TMEM259: variants seen among roughly 807,000 people sequenced by gnomAD.
TMEM259 encodes transmembrane protein 259.
A neutral mutation model predicts 46.7 loss-of-function variants in TMEM259; 26 were observed. The observed-to-expected ratio is 0.56, with a 90% CI of 0.41 to 0.77. The LOEUF (loss-of-function observed/expected upper bound fraction) is 0.77, where lower values mean the gene tolerates loss of function less well. TMEM259 is among the 30% of genes least tolerant of loss of function. The pLI is 0.00. For synonymous variants in TMEM259, 494 were observed against 395.1 expected (o/e 1.25, Z -2.97); for missense variants, 930 against 900.5 (o/e 1.03, Z -0.42).
intron 1 of TMEM259, chr19:1,017,465 C>CCCCAT (rs1340167616): frequency 2.5e-6 from 1 of 399,386 alleles, no homozygotes; most frequent in Non-Finnish European, 4.4e-6. Flanking sequence ...GGACACCCCA[C>CCCCAT]CCCATCCCAC....
chr19:1,015,076 T>C (rs564646711), intron 1 of TMEM259, among the ~76,000 whole-genome samples: 2 of 152,294 alleles, frequency 1.3e-5, no homozygotes, highest in African/African-American at 4.8e-5. Flanking sequence ...TCCCCTGATC[T>C]CACCACCTGA....
chr19:1,013,201 G>A (rs1599478728), intron 3 of TMEM259, 40 bp downstream of exon 3: 1 of 1,579,394 alleles, frequency 6.3e-7, no homozygotes, highest in Non-Finnish European at 8.7e-7. Context: ...CATGACTGAG[G>A]CAACCCCGTG....
rs2038886692 is a variant in TMEM259 at position 1,010,865 on chromosome 19, C to T, written c.1348G>A (p.Glu450Lys). 1 of 1,567,782 alleles carries T rather than the reference C, an allele frequency of 6.4e-7. No individual in the cohort carries two copies. Among genetic ancestry groups the T allele is most frequent in the Non-Finnish European group, 8.6e-7 (1 of 1,159,784 alleles). Residue 450 changes from glutamate (E) to lysine (K), a missense_variant, in exon 11 of 11, where the codon GAG (glutamate) becomes AAG (lysine). Transcript: ENST00000356663. ...ACCTGCTGCAGGATGGCAGGCAGCT[C>T]GTAGTGGTGGAAGAAGTAGATCATG... ...HSMIYFFHHY[E>K]LPAILQQVRI...
At position 1,009,682 on chromosome 19, in the gene TMEM259, C is replaced by G. The variant is rs538503675; in HGVS notation, c.*668G>C. On this transcript the variant is annotated 3_prime_UTR_variant, in exon 11 of 11. Transcript: ENST00000356663. The stretch of plus-strand genomic sequence containing the variant: ...GTCAACAGACAGTTTATTCTATATA[C>G]AAACACAATTTTGTACACTGCAATT... 214 of 1,159,800 alleles carry G rather than the reference C, an allele frequency of 1.8e-4. No homozygotes were observed. The highest frequency in any genetic ancestry group is 2.2e-4 in the Non-Finnish European group (192 of 886,636). The allele number at this position is 1,159,800 out of a possible 1,614,324, so 71.8% of individuals were successfully genotyped here.
intron 1 of TMEM259, among the ~76,000 whole-genome samples, chr19:1,015,633 C>T (rs530285422): frequency 2.0e-5 from 3 of 151,666 alleles, no homozygotes; most frequent in Non-Finnish European, 4.4e-5. Flanking sequence ...GCCAAGGGGG[C>T]GCCCACGGCC....
At chr19:1,013,133 G>A (rs879101353) in intron 3 of TMEM259, 108 bp downstream of exon 3, 2 of 1,005,694 alleles carry the variant, frequency 2.0e-6, no homozygotes, top group Non-Finnish European at 3.1e-6. Flanking sequence ...AACGGTCCAG[G>A]ACATGCAGCC....
In TMEM259 at chr19:1,020,764, G is replaced by A; in HGVS notation, c.225+8C>T. 1 of 1,319,106 alleles carries A rather than the reference G, an allele frequency of 7.6e-7. No individual in the cohort carries two copies. The highest frequency in any genetic ancestry group is 9.7e-7 in the Non-Finnish European group (1 of 1,027,348). The allele number at this position is 1,319,106 out of a possible 1,614,324, so 81.7% of individuals were successfully genotyped here. A position where few individuals can be genotyped will look rare whatever the true frequency, so the allele number is the denominator to read the frequency against. On this transcript the variant is annotated splice_region_variant and intron_variant, in intron 1 of 10. Transcript: ENST00000356663. This position sits in a 1 kb window ranked among gnomAD's most constrained non-coding sequence, Gnocchi z 4.0. Reference sequence around the variant, plus strand: ...GGGTCAAGGGTCGGGGGTCGGGGCCGCGGTCACCTTGAGCAGCACGAAGAA... The same window carrying A: ...GGGTCAAGGGTCGGGGGTCGGGGCCACGGTCACCTTGAGCAGCACGAAGAA...
chr19:1,012,498 TGGCGGGTGGCCTGCGACA>T lies in TMEM259; in HGVS notation c.665_682del (p.Leu222_Arg227del). On this transcript the variant is annotated inframe_deletion, in exon 4 of 11. Transcript: ENST00000356663. ...CACCATGACGGGGATGCTCAGGCGC[TGGCGGGTGGCCTGCGACA>T]GGCGAAGGAAGCCATACTCTAGTGA... The T allele has an allele frequency of 6.2e-7, 1 of 1,603,946 alleles. No homozygotes were observed. Among genetic ancestry groups the T allele is most frequent in the East Asian group, 2.2e-5 (1 of 44,452 alleles).
Position 1,009,735 on chromosome 19 carries a change from C to T in TMEM259, c.*615G>A, listed in dbSNP as rs2038832417. 2 of 820,388 alleles carry T rather than the reference C, an allele frequency of 2.4e-6. No homozygotes were observed. The highest frequency in any genetic ancestry group is 1.8e-5 in the African/African-American group (1 of 55,444). 50.8% of individuals were successfully genotyped at this position (820,388 alleles called of 1,614,324 possible). On this transcript the variant is annotated 3_prime_UTR_variant, in exon 11 of 11. Transcript: ENST00000356663. ...ATAGAATGGAATGAGCGCTCCTCCGCATTCCTCCCCGAGTGACTGGTTTGG... is the reference window on the plus strand; with the variant it reads ...ATAGAATGGAATGAGCGCTCCTCCGTATTCCTCCCCGAGTGACTGGTTTGG...
chr19:1,010,697 A>T lies in TMEM259; in HGVS notation c.1516T>A (p.Ser506Thr). The change falls in exon 11 of 11, where the codon TCG becomes ACG. Residue 506 changes from serine to threonine, a missense_variant. By Grantham distance (58) the Ser-to-Thr change is moderately conservative. Transcript: ENST00000356663. The part of the protein sequence containing the change: ...AGQPPALGPV[S>T]PGASGSPGPV... The stretch of plus-strand genomic sequence containing the variant: ...CCGGGACTCCCGCTGGCCCCAGGCG[A>T]GACGGGGCCCAGGGCGGGGGGCTGG... The T allele has an allele frequency of 1.3e-6, 2 of 1,530,132 alleles. No homozygotes were observed. The highest frequency in any genetic ancestry group is 1.7e-6 in the Non-Finnish European group (2 of 1,144,474). The allele number at this position is 1,530,132 out of a possible 1,614,324, so 94.8% of individuals were successfully genotyped here. A position where few individuals can be genotyped will look rare whatever the true frequency, so the allele number is the denominator to read the frequency against.
At position 1,012,084 on chromosome 19, in the gene TMEM259, C is replaced by T. The variant is rs1232913082; in HGVS notation, c.823G>A (p.Glu275Lys). Residue 275 changes from glutamate to lysine, a missense_variant, in exon 5 of 11, where the codon GAG becomes AAG. Coordinates refer to ENST00000356663, the MANE Select transcript of TMEM259 (RefSeq NM_001033026.2). ...GCCTCACCCTTGTTCTCCTCGTTCTCGGCCAGGCCCTTCACGCTGGACATG... is the reference window on the plus strand; with the variant it reads ...GCCTCACCCTTGTTCTCCTCGTTCTTGGCCAGGCCCTTCACGCTGGACATG... The part of the protein sequence containing the change: ...ILMSSVKGLA[E>K]NEENKGFLRN... 4 of 1,612,128 alleles carry T rather than the reference C, an allele frequency of 2.5e-6. No individual in the cohort carries two copies. The highest frequency in any genetic ancestry group is 1.1e-5 in the South Asian group (1 of 90,972).
chr19:1,014,470 G>A lies in TMEM259; in HGVS notation c.229C>T (p.Leu77=). 6.2e-7 allele frequency: 1 copy of A among 1,604,296 alleles called. No homozygotes were observed. Among genetic ancestry groups the A allele is most frequent in the Non-Finnish European group, 8.5e-7 (1 of 1,174,444 alleles). Residue 77 remains leucine (L), a synonymous_variant, in exon 2 of 11, where the codon CTG becomes TTG. Coordinates refer to ENST00000356663, the MANE Select transcript of TMEM259 (RefSeq NM_001033026.2). ...TAGGCCAGGACGAAGAGCACAAACAGGGCCTAGGGGGCGGCCGGCAGTCAG... is the reference window on the plus strand; with the variant it reads ...TAGGCCAGGACGAAGAGCACAAACAAGGCCTAGGGGGCGGCCGGCAGTCAG... ...LFEFFVLLKA[L]FVLFVLAYIH... is the part of the protein sequence containing the mutation.
chr19:1,016,818 T>A (rs773942971), intron 1 of TMEM259, among the ~76,000 whole-genome samples: 12 of 152,068 alleles, frequency 7.9e-5, no homozygotes, highest in Non-Finnish European at 1.2e-4. Flanking sequence ...AGGACACACA[T>A]CCTGCCACAC....
At position 1,010,477 on chromosome 19, in the gene TMEM259, G is replaced by C. The variant is rs765611899; in HGVS notation, c.1736C>G (p.Ala579Gly). ...ACTCGGGGGGACACTGTCCTGGGGG[G>C]CGTGGGGGAGGCCCCCAGCAGGGCC... The part of the protein sequence containing the change: ...PLGPAGGLPH[A>G]PQDSVPPSDS... The change falls in exon 11 of 11, where the codon GCC (alanine) becomes GGC (glycine). Residue 579 changes from alanine to glycine, a missense_variant. By Grantham distance (60) the Ala-to-Gly change is moderately conservative. Transcript: ENST00000356663. 1.9e-6 allele frequency: 3 copies of C among 1,545,754 alleles called. No homozygotes were observed. The highest frequency in any genetic ancestry group is 2.6e-6 in the Non-Finnish European group (3 of 1,145,554).
In TMEM259 at chr19:1,012,213, C is replaced by T. The variant is rs200423335; in HGVS notation, c.719-25G>A. On this transcript the variant is annotated intron_variant, in intron 4 of 10. Transcript: ENST00000356663. ...TCTGCGGGTGGGTGAATCAGGGAGC[C>T]GGGAGCCCCGCCCAGGCCACCCCCT... is the stretch of plus-strand genomic sequence containing the variant. The T allele has an allele frequency of 4.9e-5, 77 of 1,582,350 alleles. 1 individual carries two copies. In the African/African-American group the frequency reaches 9.0e-4, roughly 19 times the overall value.
In TMEM259 at chr19:1,011,620, G is replaced by T. The variant is rs1435262021; in HGVS notation, c.1044C>A (p.Phe348Leu). 3.9e-6 allele frequency: 6 copies of T among 1,546,568 alleles called. No individual in the cohort carries two copies. Among genetic ancestry groups the T allele is most frequent in the Non-Finnish European group, 5.2e-6 (6 of 1,145,654 alleles). The change falls in exon 8 of 11, where the codon TTC becomes TTA. Residue 348 changes from phenylalanine (F) to leucine (L), a missense_variant. By Grantham distance (22) the Phe-to-Leu change is conservative (BLOSUM62 0). Transcript: ENST00000356663. ...QMLEMNMAIA[F>L]PAAPLLTVIL... The stretch of plus-strand genomic sequence containing the variant: ...TGACGGTCAGCAGGGGCGCTGCGGG[G>T]AAGGCGATGGCCATGTTCATCTCCA...
intron 9 of TMEM259, 33 bp downstream of exon 9, chr19:1,011,334 A>T (rs2038911119): frequency 6.4e-7 from 1 of 1,555,112 alleles, no homozygotes; most frequent in Non-Finnish European, 8.7e-7. Context: ...GCCCACCAGC[A>T]CCCACTCCAC....
rs1568399607 is a variant in TMEM259 at position 1,011,187 on chromosome 19, TAGA to T, written c.1223_1225del (p.Phe408del). On this transcript the variant is annotated inframe_deletion, in exon 10 of 11. Transcript: ENST00000356663. The stretch of plus-strand genomic sequence containing the variant: ...GGCATAGAAGGCGAAGTGGTAGAGA[TAGA>T]AGAACCTGCGGGGCGGGGTGAGGGC... 1.9e-6 allele frequency: 3 copies of T among 1,596,762 alleles called. No homozygotes were observed. Among genetic ancestry groups the T allele is most frequent in the Admixed American group, 1.7e-5 (1 of 58,382 alleles).
At chr19:1,016,669 G>A (rs1208858811) in intron 1 of TMEM259, among the ~76,000 whole-genome samples, 1 of 152,220 alleles carries the variant, frequency 6.6e-6, no homozygotes, top group Non-Finnish European at 1.5e-5. Context: ...GACAGACCTG[G>A]ACCTGCTGAG....
Sources: allele counts gnomAD v4.1 joint callset (sites outside exome capture counted in the v4.1 genomes callset), GRCh38; gene constraint gnomAD v4.1.1; non-coding constraint Gnocchi (gnomAD v3.1); transcripts MANE v1.5; gene names NCBI Gene and HGNC (gene_info 2026-07-23, HGNC 2026-07-21).